Variants in ZNF460 observed in about 807,000 individuals in gnomAD.
ZNF460 encodes the protein zinc finger protein 272.
In ZNF460, 1 loss-of-function variant was observed where a neutral mutation model predicts 8.4. That is an observed-to-expected ratio of 0.12 (90% CI 0.04 to 0.56). The LOEUF (loss-of-function observed/expected upper bound fraction) is 0.56, where lower values mean the gene tolerates loss of function less well. Ranked by LOEUF, ZNF460 falls within the 20% of genes least tolerant of loss-of-function variation. The probability of loss-of-function intolerance (pLI) is 0.91; values close to 1 mark genes in which losing one functional copy is unlikely to be tolerated. For missense variants in ZNF460, 477 were observed against 714.8 expected (o/e 0.67, Z 3.79); for synonymous variants, 262 against 259.9 (o/e 1.01, Z -0.08).
At chr19:57,282,752 G>A (rs1325035033) in intron 1 of ZNF460, among the ~76,000 whole-genome samples, 1 of 152,146 alleles carries the variant, frequency 6.6e-6, no homozygotes, top group Non-Finnish European at 1.5e-5. Context: ...CACTTTGGGA[G>A]GCTGAGGTAG....
chr19:57,281,556 A>ATTTTTTTT (rs71293946), intron 1 of ZNF460, among the ~76,000 whole-genome samples: 2 of 85,040 alleles, frequency 2.4e-5, no homozygotes, highest in African/African-American at 9.7e-5. Flanking sequence ...TAACCCTGAA[A>ATTTTTTTT]TTTTTTTTTT....
rs1390113578 is a variant in ZNF460 at position 57,293,713 on chromosome 19, A to G, written c.*1483A>G. On this transcript the variant is annotated 3_prime_UTR_variant, in exon 3 of 3. Transcript: ENST00000360338. Reference sequence around the variant, plus strand: ...TTCTGCAGTGCCACAGAACACTACAACTTATTCAAATGGAATCTTACTTGC... The same window carrying G: ...TTCTGCAGTGCCACAGAACACTACAGCTTATTCAAATGGAATCTTACTTGC... 6.6e-6 allele frequency: 1 copy of G among 152,250 alleles called. No individual in the cohort carries two copies. The highest frequency in any genetic ancestry group is 1.5e-5 in the Non-Finnish European group (1 of 68,036). 9.4% of individuals were successfully genotyped at this position (152,250 alleles called of 1,614,324 possible). A position where few individuals can be genotyped will look rare whatever the true frequency, so the allele number is the denominator to read the frequency against.
chr19:57,292,548 A>G lies in ZNF460; in HGVS notation c.*318A>G, dbSNP rs1600030902. 4.2e-6 allele frequency: 1 copy of G among 235,568 alleles called. No individual in the cohort carries two copies. The highest frequency in any genetic ancestry group is 8.4e-6 in the Non-Finnish European group (1 of 119,682). The allele number at this position is 235,568 out of a possible 1,614,324, so 14.6% of individuals were successfully genotyped here. A position where few individuals can be genotyped will look rare whatever the true frequency, so the allele number is the denominator to read the frequency against. ...GAAAACCTTCAGCCACATCTTTCTT[A>G]TTAGTTTACAGTGAAATGTTATCTC... On this transcript the variant is annotated 3_prime_UTR_variant, in exon 3 of 3. Coordinates refer to ENST00000360338, the MANE Select transcript of ZNF460 (RefSeq NM_006635.4).
chr19:57,280,124 G>C (rs1335425593), upstream of ZNF460: 1 of 152,362 alleles, frequency 6.6e-6, no homozygotes, highest in Non-Finnish European at 1.5e-5. Context: ...CCCACAGCAG[G>C]GTAAGCACCT....
rs562451571 is a variant in ZNF460, at chr19:57,292,323, C to G, written c.*93C>G. On this transcript the variant is annotated 3_prime_UTR_variant, in exon 3 of 3. Transcript: ENST00000360338. ...TTTTAATATAACCACTGAAGAAAAT[C>G]TGTGGTGAGAGGAAACATCTTACCA... is the stretch of plus-strand genomic sequence containing the variant. 11 of 1,321,088 alleles carry G rather than the reference C, an allele frequency of 8.3e-6. No individual in the cohort carries two copies. In the South Asian group the frequency reaches 1.5e-4, roughly 19 times the overall value. 81.8% of individuals were successfully genotyped at this position (1,321,088 alleles called of 1,614,324 possible).
intron 1 of ZNF460, among the ~76,000 whole-genome samples, chr19:57,282,852 A>G (rs1444914800): frequency 6.6e-6 from 1 of 152,038 alleles, no homozygotes; most frequent in Non-Finnish European, 1.5e-5. Context: ...TTAGACCGGC[A>G]TGGCATCATG....
chr19:57,287,205 T>C (rs2087885877), intron 2 of ZNF460, among the ~76,000 whole-genome samples: 1 of 152,182 alleles, frequency 6.6e-6, no homozygotes. Flanking sequence ...CATGTCTGTG[T>C]TATTCTTTTG....
intron 1 of ZNF460, among the ~76,000 whole-genome samples, chr19:57,283,344 A>G (rs2087854558): frequency 6.6e-6 from 1 of 151,052 alleles, no homozygotes; most frequent in Non-Finnish European, 1.5e-5. Flanking sequence ...TAATTTTTGT[A>G]TTTTTAGTAG....
At position 57,293,214 on chromosome 19, in the gene ZNF460, G is replaced by A. The variant is rs1210241276; in HGVS notation, c.*984G>A. On this transcript the variant is annotated 3_prime_UTR_variant, in exon 3 of 3. Transcript: ENST00000360338. Reference sequence around the variant, plus strand: ...AAATTCACCTCAACAATTTTCTAGAGGTCAATTTGGAACCAAAAATGAAAT... The same window carrying A: ...AAATTCACCTCAACAATTTTCTAGAAGTCAATTTGGAACCAAAAATGAAAT... 1.3e-5 allele frequency: 2 copies of A among 152,056 alleles called. No individual in the cohort carries two copies. Among genetic ancestry groups the A allele is most frequent in the African/African-American group, 4.8e-5 (2 of 41,394 alleles). 9.4% of individuals were successfully genotyped at this position (152,056 alleles called of 1,614,324 possible). A position where few individuals can be genotyped will look rare whatever the true frequency, so the allele number is the denominator to read the frequency against.
intron 1 of ZNF460, 103 bp from the exon 2 acceptor site, chr19:57,284,448 G>C: frequency 7.0e-7 from 1 of 1,433,736 alleles, no homozygotes; most frequent in Non-Finnish European, 9.4e-7. Flanking sequence ...TTGGTGATTT[G>C]GCCTTTGATT....
Position 57,280,743 on chromosome 19 carries a change from A to T in ZNF460, c.-64A>T. The T allele has an allele frequency of 1.2e-6, 2 of 1,605,530 alleles. No individual in the cohort carries two copies. The highest frequency in any genetic ancestry group is 3.4e-5 in the Admixed American group (2 of 59,034). On this transcript the variant is annotated 5_prime_UTR_variant, in exon 1 of 3. Coordinates refer to ENST00000360338, the MANE Select transcript of ZNF460 (RefSeq NM_006635.4). ...AACTGAGGCTCGGAGTGCGAAAGTC[A>T]GCCGAGGTCGCCCCGCCCAGGACAG...
At position 57,292,205 on chromosome 19, in the gene ZNF460, T is replaced by G; in HGVS notation, c.1664T>G (p.Ile555Arg). 30 of 1,613,064 alleles carry G rather than the reference T, an allele frequency of 1.9e-5. No individual in the cohort carries two copies. The highest frequency in any genetic ancestry group is 2.5e-5 in the Non-Finnish European group (30 of 1,179,082). The change falls in exon 3 of 3, where the codon ATA becomes AGA. Residue 555 changes from isoleucine (I) to arginine (R), a missense_variant. This residue lies in a region of ZNF460 where 83 missense variants were observed against 82.3 expected (regional missense o/e 1.01). Transcript: ENST00000360338. ...HSSSLDINGFIVEETLPL is the reference protein window; with the variant it reads ...HSSSLDINGFRVEETLPL ...TCCTCACTCGACATCAACGGATTCATAGTGGAAGAAACCCTACCATTGTAA... is the reference window on the plus strand; with the variant it reads ...TCCTCACTCGACATCAACGGATTCAGAGTGGAAGAAACCCTACCATTGTAA...
chr19:57,283,313 G>A (rs2087854084), intron 1 of ZNF460, among the ~76,000 whole-genome samples: 1 of 151,616 alleles, frequency 6.6e-6, no homozygotes, highest in Non-Finnish European at 1.5e-5. Flanking sequence ...AGGACTACAG[G>A]CACACACTAC....
Position 57,291,272 on chromosome 19 carries a change from G to T in ZNF460, c.731G>T (p.Arg244Leu), listed in dbSNP as rs200956465. ...NRRSHLTRHQ[R>L]THNGDKPFVC... ...AGGTCACACCTCACACGGCACCAGCGGACTCACAATGGAGATAAGCCCTTT... is the reference window on the plus strand; with the variant it reads ...AGGTCACACCTCACACGGCACCAGCTGACTCACAATGGAGATAAGCCCTTT... The change falls in exon 3 of 3, where the codon CGG becomes CTG. Residue 244 changes from arginine to leucine, a missense_variant. Arg to Leu is a moderately radical substitution (Grantham distance 102). This residue lies in a region of ZNF460 where 193 missense variants were observed against 391.7 expected (regional missense o/e 0.49). Transcript: ENST00000360338. The surrounding 1 kb of genome is among the most constrained non-coding windows in gnomAD (Gnocchi z 8.4). 7.4e-6 allele frequency: 12 copies of T among 1,613,898 alleles called. No homozygotes were observed. In the Admixed American group the frequency reaches 1.5e-4, roughly 20 times the overall value.
intron 1 of ZNF460, among the ~76,000 whole-genome samples, chr19:57,281,204 C>T (rs193299285): frequency 5.9e-5 from 9 of 152,148 alleles, no homozygotes; most frequent in Non-Finnish European, 1.5e-5. Context: ...CCGTGCAGTC[C>T]TCTTCCATTT....
At chr19:57,281,192 G>A (rs2087836366) in intron 1 of ZNF460, among the ~76,000 whole-genome samples, 1 of 152,138 alleles carries the variant, frequency 6.6e-6, no homozygotes, top group South Asian at 2.1e-4. Context: ...CCACCAACCT[G>A]ACCGTGCAGT....
chr19:57,291,503 C>G lies in ZNF460; in HGVS notation c.962C>G (p.Thr321Arg). Residue 321 changes from threonine to arginine, a missense_variant, in exon 3 of 3, where the codon ACA becomes AGA. Physicochemically the swap from Thr to Arg is moderately conservative, Grantham distance 71. This residue lies in a region of ZNF460 where 193 missense variants were observed against 391.7 expected (regional missense o/e 0.49). Transcript: ENST00000360338. This position sits in a 1 kb window ranked among gnomAD's most constrained non-coding sequence, Gnocchi z 8.4. ...TGTGGAAAAGGCTTTTATGAGAGTA[C>G]AGCCCTCATTCAACACTTCATTATC... Reference protein sequence around the residue: ...SECGKGFYESTALIQHFIIHT... With the variant: ...SECGKGFYESRALIQHFIIHT... 2 of 1,613,642 alleles carry G rather than the reference C, an allele frequency of 1.2e-6. No individual in the cohort carries two copies. The highest frequency in any genetic ancestry group is 1.7e-6 in the Non-Finnish European group (2 of 1,179,848).
intron 2 of ZNF460, among the ~76,000 whole-genome samples, chr19:57,287,010 A>G (rs2087884490): frequency 6.6e-6 from 1 of 150,660 alleles, no homozygotes; most frequent in South Asian, 2.1e-4. Context: ...TTGCTTATGT[A>G]TAAACCCAAG....
chr19:57,282,121 T>C (rs2087844784), intron 1 of ZNF460, among the ~76,000 whole-genome samples: 1 of 152,186 alleles, frequency 6.6e-6, no homozygotes, highest in South Asian at 2.1e-4. Flanking sequence ...TTCATACTGG[T>C]GGAACTGTGT....
Sources: allele counts gnomAD v4.1 joint callset (sites outside exome capture counted in the v4.1 genomes callset), GRCh38; gene constraint gnomAD v4.1.1; regional missense constraint gnomAD v4.1.1; non-coding constraint Gnocchi (gnomAD v3.1); transcripts MANE v1.5; gene names NCBI Gene and HGNC (gene_info 2026-07-23, HGNC 2026-07-21).